CFAP61: variants seen among roughly 807,000 people sequenced by gnomAD.
The protein encoded by CFAP61 is cilia and flagella associated protein 61, also known as cilia- and flagella-associated protein 61.
A neutral mutation model predicts 135.6 loss-of-function variants in CFAP61; 107 were observed. The ratio of observed to expected loss-of-function variants is 0.79; its 90% CI spans 0.67 to 0.93. The LOEUF is 0.93. Among genes scored for constraint, CFAP61 ranks in the 40% least tolerant of loss-of-function variants. The pLI is 0.00. For synonymous variants in CFAP61, 575 were observed against 578.5 expected (o/e 0.99, Z 0.09); for missense variants, 1,507 against 1,556.2 (o/e 0.97, Z 0.53).
chr20:20,162,695 G>A (rs1289674541), intron 10 of CFAP61, among the ~76,000 whole-genome samples: 2 of 152,204 alleles, frequency 1.3e-5, no homozygotes, highest in East Asian at 3.8e-4. Context: ...GAGAAAAAAG[G>A]AAGCTCATAT....
chr20:20,087,852 C>G (rs1276358395), intron 6 of CFAP61, among the ~76,000 whole-genome samples: 1 of 150,826 alleles, frequency 6.6e-6, no homozygotes, highest in Non-Finnish European at 1.5e-5. Context: ...AGGCTGTGAC[C>G]ACTATGCTGT....
intron 2 of CFAP61, among the ~76,000 whole-genome samples, chr20:20,063,245 A>G (rs2044950705): frequency 6.6e-6 from 1 of 152,220 alleles, no homozygotes; most frequent in Non-Finnish European, 1.5e-5. Flanking sequence ...AGGCTAGCAT[A>G]ATGTTGATAT....
At chr20:20,333,357 G>C (rs916872207) in intron 25 of CFAP61, among the ~76,000 whole-genome samples, 1 of 152,198 alleles carries the variant, frequency 6.6e-6, no homozygotes, top group Admixed American at 6.5e-5. Context: ...GAGACTAAGA[G>C]AGACTAACGC....
intron 7 of CFAP61, 102 bp downstream of exon 7, chr20:20,091,078 TC>T: frequency 7.3e-7 from 1 of 1,368,740 alleles, no homozygotes; most frequent in Non-Finnish European, 1.0e-6. Context: ...TGCCATTGTC[TC>T]CCTGGCCACC....
At chr20:20,068,222 A>G (rs1254972880) in intron 2 of CFAP61, among the ~76,000 whole-genome samples, 1 of 152,146 alleles carries the variant, frequency 6.6e-6, no homozygotes, top group Non-Finnish European at 1.5e-5. Flanking sequence ...CCTCCCTACC[A>G]TCACCACTAT....
In CFAP61 at chr20:20,186,677, A is replaced by T. The variant is rs199548774; in HGVS notation, c.1386-1253A>T. 9.5e-4 allele frequency among the ~76,000 whole-genome samples: 145 copies of T among 152,306 alleles called. 2 individuals carry two copies. In the East Asian group the frequency reaches 0.023, roughly 24 times the overall value. ...AACATTAAGATGGTATTAATTGTTC[A>T]TCTTTTTATTAGTTAATTATAGATA... On this transcript the variant is annotated intron_variant, in intron 13 of 26. Transcript: ENST00000245957.
intron 25 of CFAP61, among the ~76,000 whole-genome samples, chr20:20,314,603 G>A (rs1262880841): frequency 6.8e-6 from 1 of 146,666 alleles, no homozygotes; most frequent in African/African-American, 2.5e-5. Flanking sequence ...AGTTACATAT[G>A]TATACATGTG....
intron 19 of CFAP61, among the ~76,000 whole-genome samples, chr20:20,246,487 C>T (rs1209396867): frequency 6.6e-6 from 1 of 152,216 alleles, no homozygotes; most frequent in East Asian, 1.9e-4. Flanking sequence ...CCAGCCAGCC[C>T]TGCCTTTGGG....
chr20:20,118,479 T>C (rs1462798496), intron 8 of CFAP61, among the ~76,000 whole-genome samples: 1 of 151,940 alleles, frequency 6.6e-6, no homozygotes, highest in Non-Finnish European at 1.5e-5. Context: ...TAGCTGGGAT[T>C]ACAGGTGCCT....
chr20:20,070,322 T>C (rs2045614200), intron 2 of CFAP61, among the ~76,000 whole-genome samples: 1 of 152,210 alleles, frequency 6.6e-6, no homozygotes, highest in African/African-American at 2.4e-5. Flanking sequence ...ACTCACAGTT[T>C]GGAGGAATTG....
intron 8 of CFAP61, among the ~76,000 whole-genome samples, chr20:20,108,368 A>ATC (rs2146662733): frequency 6.6e-6 from 1 of 152,340 alleles, no homozygotes; most frequent in Admixed American, 6.5e-5. Flanking sequence ...CTAAAAATGA[A>ATC]CAAACAAAAA....
chr20:20,102,868 A>G (rs2048125902), intron 8 of CFAP61, among the ~76,000 whole-genome samples: 1 of 152,140 alleles, frequency 6.6e-6, no homozygotes, highest in Non-Finnish European at 1.5e-5. Context: ...AACCCTTTCA[A>G]GCAGAATAAT....
chr20:20,335,006 T>G (rs778470945), intron 25 of CFAP61, among the ~76,000 whole-genome samples: 1 of 152,228 alleles, frequency 6.6e-6, no homozygotes, highest in Non-Finnish European at 1.5e-5. Context: ...TGAATTTACA[T>G]TCTTTCATGA....
chr20:20,171,509 A>C (rs1036491177), intron 13 of CFAP61, among the ~76,000 whole-genome samples: 14 of 152,212 alleles, frequency 9.2e-5, no homozygotes, highest in Non-Finnish European at 4.4e-5. Flanking sequence ...TGGAGCTAGC[A>C]GGTCTCATAG....
intron 17 of CFAP61, chr20:20,221,741 C>T (rs974476504): frequency 2.0e-5 from 3 of 152,270 alleles, no homozygotes; most frequent in African/African-American, 4.8e-5. Flanking sequence ...GGCACTCAAT[C>T]GTTGCATTGC....
At chr20:20,193,552 T>C (rs1009709356) in intron 15 of CFAP61, among the ~76,000 whole-genome samples, 3 of 152,072 alleles carry the variant, frequency 2.0e-5, no homozygotes, top group African/African-American at 7.2e-5. Flanking sequence ...AAGTTTTCAT[T>C]GGTCCTCATA....
At position 20,129,135 on chromosome 20, in the gene CFAP61, TG is replaced by T. The variant is rs2050307315; in HGVS notation, c.860-13721del. ...TATTAGAATATTTTGGGTTTGTCCATGTACTTAATTTTACCAGTATGTTTTA... is the reference window on the plus strand; with the variant it reads ...TATTAGAATATTTTGGGTTTGTCCATTACTTAATTTTACCAGTATGTTTTA... On this transcript the variant is annotated intron_variant, in intron 8 of 26. Transcript: ENST00000245957. Among the ~76,000 whole-genome samples the T allele has an allele frequency of 2.6e-5, 4 of 151,766 alleles. No individual in the cohort carries two copies. The South Asian group carries it at 8.3e-4, about 31-fold the overall frequency.
intron 6 of CFAP61, chr20:20,085,148 C>A (rs1053999901): frequency 1.0e-6 from 1 of 985,342 alleles, no homozygotes; most frequent in Admixed American, 6.1e-5. Context: ...GAACACTGTG[C>A]GGCCTGTCAG....
intron 22 of CFAP61, among the ~76,000 whole-genome samples, chr20:20,284,638 TA>T (rs1372963440): frequency 1.3e-5 from 2 of 152,220 alleles, no homozygotes; most frequent in East Asian, 3.8e-4. Flanking sequence ...CTATGGATTA[TA>T]ATACACATCA....
Sources: allele counts gnomAD v4.1 joint callset (sites outside exome capture counted in the v4.1 genomes callset), GRCh38; gene constraint gnomAD v4.1.1; transcripts MANE v1.5; gene names NCBI Gene and HGNC (gene_info 2026-07-23, HGNC 2026-07-21).